Variants in EIF2AK2 observed in about 807,000 individuals in gnomAD.
The protein encoded by EIF2AK2 is eukaryotic translation initiation factor 2 alpha kinase 2, also known as interferon-induced, double-stranded RNA-activated protein kinase.
Under a neutral mutation model 70.5 loss-of-function variants are expected in EIF2AK2, and 40 were observed. The ratio of observed to expected loss-of-function variants is 0.57; its 90% CI spans 0.44 to 0.74. The LOEUF is 0.74. EIF2AK2 is among the 30% of genes least tolerant of loss of function. The probability of loss-of-function intolerance (pLI) is 0.00; values close to 1 mark genes in which losing one functional copy is unlikely to be tolerated. For synonymous variants in EIF2AK2, 198 were observed against 220.9 expected, an observed-to-expected ratio of 0.90 and a Z score of 0.92; for missense variants, 555 against 644.3, an observed-to-expected ratio of 0.86 and a Z score of 1.50.
intron 1 of EIF2AK2, among the ~76,000 whole-genome samples, chr2:37,155,373 G>C (rs1362552101): frequency 1.3e-5 from 2 of 152,256 alleles, no homozygotes; most frequent in East Asian, 1.9e-4. Context: ...TAATGAATGA[G>C]TGAGTACCAA....
At chr2:37,139,312 C>T (rs1395036625) in intron 6 of EIF2AK2, among the ~76,000 whole-genome samples, 2 of 135,712 alleles carry the variant, frequency 1.5e-5, no homozygotes, top group Non-Finnish European at 3.1e-5. Flanking sequence ...GAGATTCCAT[C>T]TCAAAAAAAA....
rs1010498555 is a variant in EIF2AK2, at chr2:37,099,742, G to C, written c.*7531C>G. 1 of 152,084 alleles carries C rather than the reference G, an allele frequency of 6.6e-6. No homozygotes were observed. Among genetic ancestry groups the C allele is most frequent in the Non-Finnish European group, 1.5e-5 (1 of 68,000 alleles). The allele number at this position is 152,084 out of a possible 1,614,324, so 9.4% of individuals were successfully genotyped here. A position where few individuals can be genotyped will look rare whatever the true frequency, so the allele number is the denominator to read the frequency against. On this transcript the variant is annotated 3_prime_UTR_variant, in exon 17 of 17. Coordinates refer to ENST00000233057, the MANE Select transcript of EIF2AK2 (RefSeq NM_001135651.3). ...TAGCATTATTCATGGTAGCCAAAAA[G>C]TACAAACAACCCAAATGTCCATCAG... is the stretch of plus-strand genomic sequence containing the variant.
chr2:37,101,786 C>G lies in EIF2AK2; in HGVS notation c.*5487G>C, dbSNP rs1034414531. On this transcript the variant is annotated 3_prime_UTR_variant, in exon 17 of 17. Transcript: ENST00000233057. ...ATCTAGATTTCAACAACCAAGAAAA[C>G]TGTATTTTTGAGATAGAAACAATAC... 21 of 152,130 alleles carry G rather than the reference C, an allele frequency of 1.4e-4. No individual in the cohort carries two copies. The highest frequency in any genetic ancestry group is 8.5e-4 in the Admixed American group (13 of 15,284). The allele number at this position is 152,130 out of a possible 1,614,324, so 9.4% of individuals were successfully genotyped here.
chr2:37,130,130 T>C (rs1674888906), intron 10 of EIF2AK2, among the ~76,000 whole-genome samples: 1 of 152,192 alleles, frequency 6.6e-6, no homozygotes, highest in Non-Finnish European at 1.5e-5. Flanking sequence ...AGATGGAGTC[T>C]TGCTCTTGTC....
At position 37,100,000 on chromosome 2, in the gene EIF2AK2, C is replaced by T. The variant is rs1368223677; in HGVS notation, c.*7273G>A. Reference sequence around the variant, plus strand: ...GAGTTGTGAGAAAACAGAGTGAATACTAACGGGCATAGGGTTTCTTTTGGG... The same window carrying T: ...GAGTTGTGAGAAAACAGAGTGAATATTAACGGGCATAGGGTTTCTTTTGGG... On this transcript the variant is annotated 3_prime_UTR_variant, in exon 17 of 17. Transcript: ENST00000233057. 6.6e-6 allele frequency: 1 copy of T among 152,146 alleles called. No individual in the cohort carries two copies. Among genetic ancestry groups the T allele is most frequent in the East Asian group, 1.9e-4 (1 of 5,198 alleles). 9.4% of individuals were successfully genotyped at this position (152,146 alleles called of 1,614,324 possible).
chr2:37,119,022 G>A (rs1472200398), intron 13 of EIF2AK2, among the ~76,000 whole-genome samples: 1 of 152,154 alleles, frequency 6.6e-6, no homozygotes, highest in Non-Finnish European at 1.5e-5. Context: ...AGTGTCCCAT[G>A]AGAGAGAAGA....
intron 8 of EIF2AK2, among the ~76,000 whole-genome samples, chr2:37,137,399 A>C (rs2148699388): frequency 6.6e-6 from 1 of 152,316 alleles, no homozygotes; most frequent in African/African-American, 2.4e-5. Flanking sequence ...TTGTAACACT[A>C]ATCACCAAAA....
At chr2:37,115,636 A>T (rs1674316423) in intron 13 of EIF2AK2, among the ~76,000 whole-genome samples, 1 of 152,158 alleles carries the variant, frequency 6.6e-6, no homozygotes, top group African/African-American at 2.4e-5. Flanking sequence ...CCATGATCTG[A>T]TAGGGACTGA....
At chr2:37,109,080 T>C in intron 15 of EIF2AK2, 114 bp downstream of exon 15, 1 of 806,446 alleles carries the variant, frequency 1.2e-6, no homozygotes, top group Non-Finnish European at 2.0e-6. Flanking sequence ...TGCAGTCAGA[T>C]ACTAATATGC....
chr2:37,126,000 G>A (rs186382373), intron 11 of EIF2AK2, among the ~76,000 whole-genome samples: 85 of 152,188 alleles, frequency 5.6e-4, no homozygotes, highest in Non-Finnish European at 8.8e-4. Flanking sequence ...TTTAAAATAC[G>A]GAGCATTTCA....
chr2:37,148,780 AG>A (rs1291170250), intron 2 of EIF2AK2, 76 bp downstream of exon 2: 4 of 820,450 alleles, frequency 4.9e-6, no homozygotes, highest in Admixed American at 1.7e-5. Flanking sequence ...ACAAAAAACT[AG>A]CCCCCCAGAA....
intron 10 of EIF2AK2, among the ~76,000 whole-genome samples, chr2:37,128,597 T>C (rs1184216716): frequency 1.3e-5 from 2 of 152,234 alleles, no homozygotes; most frequent in Non-Finnish European, 2.9e-5. Flanking sequence ...AGCCTTATAA[T>C]GGGCCCTCAA....
chr2:37,140,785 C>T (rs1185185263), intron 5 of EIF2AK2, among the ~76,000 whole-genome samples: 1 of 152,172 alleles, frequency 6.6e-6, no homozygotes, highest in Non-Finnish European at 1.5e-5. Context: ...CTGGTTTTGG[C>T]TCAAAAGCCA....
intron 5 of EIF2AK2, among the ~76,000 whole-genome samples, chr2:37,140,357 G>A (rs1675286657): frequency 6.6e-6 from 1 of 152,156 alleles, no homozygotes; most frequent in Non-Finnish European, 1.5e-5. Context: ...AGGATACTTG[G>A]ACAATTATAT....
intron 10 of EIF2AK2, among the ~76,000 whole-genome samples, chr2:37,130,960 A>C (rs975501192): frequency 2.6e-5 from 4 of 152,248 alleles, no homozygotes; most frequent in African/African-American, 4.8e-5. Context: ...AGCTAGGATT[A>C]ATCATAACTC....
At chr2:37,121,132 G>A (rs534002244) in intron 12 of EIF2AK2, among the ~76,000 whole-genome samples, 2 of 148,684 alleles carry the variant, frequency 1.3e-5, no homozygotes, top group South Asian at 2.2e-4. Flanking sequence ...GCGTGGTGGC[G>A]GGCGCCTGTA....
intron 14 of EIF2AK2, among the ~76,000 whole-genome samples, chr2:37,110,425 C>A (rs553602524): frequency 2.6e-5 from 4 of 151,858 alleles, no homozygotes; most frequent in South Asian, 4.2e-4. Flanking sequence ...GAAAAAAAAA[C>A]CACACACACA....
intron 4 of EIF2AK2, 107 bp downstream of exon 4, chr2:37,146,746 G>T: frequency 7.3e-7 from 1 of 1,372,158 alleles, no homozygotes. Flanking sequence ...TTGAATGTAA[G>T]GGAACGTGTG....
In EIF2AK2 at chr2:37,114,841, C is replaced by T. The variant is rs1479951621; in HGVS notation, c.1267G>A (p.Val423Ile). 1 of 1,578,180 alleles carries T rather than the reference C, an allele frequency of 6.3e-7. No homozygotes were observed. Among genetic ancestry groups the T allele is most frequent in the Non-Finnish European group, 8.6e-7 (1 of 1,164,732 alleles). The stretch of plus-strand genomic sequence containing the variant: ...CCAATCTTTACTTGTTTTGTATCTA[C>T]TAAGAATATATTACTTGGCTATGAA... Reference protein sequence around the residue: ...RDLKPSNIFLVDTKQVKIGDF... With the variant: ...RDLKPSNIFLIDTKQVKIGDF... The change falls in exon 14 of 17, where the codon GTA (valine) becomes ATA (isoleucine). Residue 423 changes from valine (V) to isoleucine (I), a missense_variant. Val to Ile is a conservative substitution (Grantham distance 29). Around this residue, in one of 3 missense-constraint regions of EIF2AK2, gnomAD observed 299 missense variants for 375.4 expected, o/e 0.80. Coordinates refer to ENST00000233057, the MANE Select transcript of EIF2AK2 (RefSeq NM_001135651.3).
Sources: allele counts gnomAD v4.1 joint callset (sites outside exome capture counted in the v4.1 genomes callset), GRCh38; gene constraint gnomAD v4.1.1; regional missense constraint gnomAD v4.1.1; transcripts MANE v1.5; gene names NCBI Gene and HGNC (gene_info 2026-07-23, HGNC 2026-07-21).